The following NLRP14 variants were observed in gnomAD, a reference collection of about 807,000 sequenced individuals.
The protein encoded by NLRP14 is NACHT, LRR and PYD domains-containing protein 14.
A neutral mutation model predicts 94.7 loss-of-function variants in NLRP14; 105 were observed. The ratio of observed to expected loss-of-function variants is 1.11; its 90% CI spans 0.95 to 1.30. NLRP14 has a LOEUF of 1.30. NLRP14 is among the 50% of genes most tolerant of loss of function. NLRP14 has a pLI of 0.00. For synonymous variants in NLRP14, 508 were observed against 459.9 expected, an observed-to-expected ratio of 1.10 and a Z score of -1.34; for missense variants, 1,362 against 1,254.1, an observed-to-expected ratio of 1.09 and a Z score of -1.30.
chr11:7,055,633 G>A (rs74531944), intron 6 of NLRP14, among the ~76,000 whole-genome samples: 1 of 151,842 alleles, frequency 6.6e-6, no homozygotes, highest in Non-Finnish European at 1.5e-5. Flanking sequence ...CTCCAACAGG[G>A]CTCAACTCAT....
At chr11:7,089,631 C>T in the NLRP14 span, 7 of 1,260,584 alleles carry the variant, frequency 5.6e-6, no homozygotes, top group African/African-American at 4.8e-5. Flanking sequence ...GGGCCCGGCT[C>T]GCAGCAGCGG....
chr11:7,046,589 T>C (rs2119634488), intron 4 of NLRP14, 79 bp from the exon 5 acceptor site: 1 of 1,342,764 alleles, frequency 7.4e-7, no homozygotes, highest in Non-Finnish European at 1.1e-6. Context: ...TTACTTTTAC[T>C]CCAATACTAT....
the NLRP14 span, among the ~76,000 whole-genome samples, chr11:7,088,212 C>A: frequency 3.9e-5 from 6 of 152,038 alleles, no homozygotes; most frequent in Non-Finnish European, 7.4e-5. Flanking sequence ...CAAGTCTCAA[C>A]GAAAAACAAT....
In NLRP14 at chr11:7,046,852, A is replaced by G; in HGVS notation, c.2123+20A>G. 1 of 1,586,116 alleles carries G rather than the reference A, an allele frequency of 6.3e-7. No individual in the cohort carries two copies. The highest frequency in any genetic ancestry group is 8.7e-7 in the Non-Finnish European group (1 of 1,154,850). On this transcript the variant is annotated intron_variant, in intron 5 of 11. Transcript: ENST00000299481. Reference sequence around the variant, plus strand: ...GCTACTGTAAGTCTGGTATGAGAAAATTTAATGGAGTTATTCTAATTTCTT... The same window carrying G: ...GCTACTGTAAGTCTGGTATGAGAAAGTTTAATGGAGTTATTCTAATTTCTT...
chr11:7,070,237 T>A (rs748482825), intron 10 of NLRP14, 49 bp from the exon 11 acceptor site: 1 of 1,356,758 alleles, frequency 7.4e-7, no homozygotes. Context: ...TGGGCTTTGT[T>A]GTGTCATCGA....
intron 9 of NLRP14, among the ~76,000 whole-genome samples, chr11:7,061,261 G>T (rs569050202): frequency 6.6e-6 from 1 of 152,122 alleles, no homozygotes; most frequent in Admixed American, 6.6e-5. Context: ...GATGACATGG[G>T]TTACTATGTG....
chr11:7,033,357 A>G (rs1852122181), intron 1 of NLRP14, among the ~76,000 whole-genome samples: 1 of 152,204 alleles, frequency 6.6e-6, no homozygotes, highest in Non-Finnish European at 1.5e-5. Context: ...GAATTACAGA[A>G]ATTTCTTGTC....
chr11:7,040,218 TC>T (rs1395050176), intron 3 of NLRP14, among the ~76,000 whole-genome samples: 1 of 151,860 alleles, frequency 6.6e-6, no homozygotes, highest in Non-Finnish European at 1.5e-5. Context: ...AACACAGGGG[TC>T]CCCAACTCCT....
At chr11:7,069,968 T>G (rs1052012751) in intron 10 of NLRP14, among the ~76,000 whole-genome samples, 1 of 152,166 alleles carries the variant, frequency 6.6e-6, no homozygotes, top group East Asian at 1.9e-4. Context: ...GCTTCCAATA[T>G]CTAGTTATAG....
intron 10 of NLRP14, among the ~76,000 whole-genome samples, chr11:7,067,064 T>TCTGTTTTGGTACCAGTACCATG (rs1266980723): frequency 1.3e-5 from 2 of 152,194 alleles, no homozygotes; most frequent in Non-Finnish European, 2.9e-5. Flanking sequence ...GGTCTATATA[T>TCTGTTTTGGTACCAGTACCATG]CTGTTTTGGT....
At chr11:7,046,538 G>A (rs1852352765) in intron 4 of NLRP14, 130 bp from the exon 5 acceptor site, 5 of 822,548 alleles carry the variant, frequency 6.1e-6, no homozygotes, top group East Asian at 2.5e-5. Context: ...CTGTGCCCAC[G>A]GTGGAGCTGC....
chr11:7,072,367 G>A (rs566980246), downstream of NLRP14, among the ~76,000 whole-genome samples: 2 of 152,228 alleles, frequency 1.3e-5, no homozygotes, highest in Non-Finnish European at 2.9e-5. Flanking sequence ...CAGCAATTTT[G>A]ATCCTTGCCC....
In NLRP14 at chr11:7,058,408, G is replaced by A. The variant is rs747791895; in HGVS notation, c.2591G>A (p.Ser864Asn). The A allele has an allele frequency of 2.5e-6, 4 of 1,612,804 alleles. No individual in the cohort carries two copies. Among genetic ancestry groups the A allele is most frequent in the African/African-American group, 2.7e-5 (2 of 74,966 alleles). ...VLGDGGVKLM[S>N]DALQHAQCTL... is the part of the protein sequence containing the mutation. ...GGTGATGGTGGAGTAAAGCTTATGAGTGATGCCCTGCAACATGCACAATGT... is the reference window on the plus strand; with the variant it reads ...GGTGATGGTGGAGTAAAGCTTATGAATGATGCCCTGCAACATGCACAATGT... The change falls in exon 8 of 12, where the codon AGT becomes AAT. Residue 864 changes from serine to asparagine, a missense_variant. Ser to Asn is a conservative substitution (Grantham distance 46). Coordinates refer to ENST00000299481, the MANE Select transcript of NLRP14 (RefSeq NM_176822.4).
the NLRP14 span, chr11:7,089,173 A>G: frequency 1.9e-6 from 3 of 1,613,942 alleles, no homozygotes; most frequent in Non-Finnish European, 2.5e-6. Flanking sequence ...CTCAACCTCG[A>G]AACCGACGAG....
intron 1 of NLRP14, among the ~76,000 whole-genome samples, chr11:7,029,910 GC>G (rs896644953): frequency 1.1e-4 from 16 of 152,178 alleles, no homozygotes; most frequent in African/African-American, 3.6e-4. Flanking sequence ...TAACTAGCAT[GC>G]CTGAGTCCTT....
rs1565028953 is a variant in NLRP14, at chr11:7,071,284, T to C, written c.3258T>C (p.Asp1086=). Residue 1086 remains aspartate (D), a synonymous_variant, in exon 12 of 12, where the codon GAT becomes GAC. Transcript: ENST00000299481. ...ATTGTAACTATCATAATGAAGAAGATGTGTCTTGGTGGTGGTGTTTCTGAT... is the reference window on the plus strand; with the variant it reads ...ATTGTAACTATCATAATGAAGAAGACGTGTCTTGGTGGTGGTGTTTCTGAT... ...KPDCNYHNEE[D]VSWWWCF 9.3e-6 allele frequency: 15 copies of C among 1,613,476 alleles called. No individual in the cohort carries two copies. The Middle Eastern group carries it at 9.9e-4, about 107-fold the overall frequency.
chr11:7,032,521 T>C (rs565438923), intron 1 of NLRP14, among the ~76,000 whole-genome samples: 23 of 152,302 alleles, frequency 1.5e-4, no homozygotes, highest in African/African-American at 5.0e-4. Context: ...TCAGTAGACA[T>C]GCAGACATGC....
downstream of NLRP14, among the ~76,000 whole-genome samples, chr11:7,073,117 G>C (rs1852826801): frequency 6.6e-6 from 1 of 152,154 alleles, no homozygotes; most frequent in Non-Finnish European, 1.5e-5. Context: ...TTCAGGATTT[G>C]AAAGGGCCAA....
chr11:7,067,619 T>C (rs1269252512), intron 10 of NLRP14, among the ~76,000 whole-genome samples: 1 of 152,216 alleles, frequency 6.6e-6, no homozygotes, highest in Non-Finnish European at 1.5e-5. Context: ...CACATCGATA[T>C]AATATGCATT....
Sources: allele counts gnomAD v4.1 joint callset (sites outside exome capture counted in the v4.1 genomes callset), GRCh38; gene constraint gnomAD v4.1.1; transcripts MANE v1.5; gene names NCBI Gene and HGNC (gene_info 2026-07-23, HGNC 2026-07-21).